Variants in HUNK observed in about 807,000 individuals in gnomAD.
HUNK encodes hormonally up-regulated Neu-associated kinase.
Under a neutral mutation model 61.0 loss-of-function variants are expected in HUNK, and 21 were observed. The ratio of observed to expected loss-of-function variants is 0.34; its 90% CI spans 0.24 to 0.50. The LOEUF is 0.50. Ranked by LOEUF, HUNK falls within the 20% of genes least tolerant of loss-of-function variation. The pLI, the probability that HUNK is intolerant of heterozygous loss-of-function variation, is 0.98. For synonymous variants in HUNK, 371 were observed against 386.1 expected (o/e 0.96, Z 0.46); for missense variants, 772 against 945.7 (o/e 0.82, Z 2.41).
chr21:31,931,332 A>C (rs1013303593), intron 2 of HUNK, among the ~76,000 whole-genome samples: 9 of 151,492 alleles, frequency 5.9e-5, no homozygotes, highest in African/African-American at 2.2e-4. Context: ...CAAATTAATC[A>C]CCTCTTTTAA....
intron 10 of HUNK, among the ~76,000 whole-genome samples, chr21:31,996,593 C>T (rs1307126361): frequency 1.3e-5 from 2 of 152,198 alleles, no homozygotes; most frequent in Non-Finnish European, 2.9e-5. Context: ...ACAGGCTTAA[C>T]ACATGGTAGA....
intron 7 of HUNK, among the ~76,000 whole-genome samples, chr21:31,982,866 C>T (rs13049873): frequency 0.11 from 17,013 of 152,104 alleles, 1,320 homozygotes; most frequent in Non-Finnish European, 0.18. Context: ...TGCAATGGCA[C>T]GATCTTGGCT....
chr21:31,923,800 G>A (rs1310554276), intron 1 of HUNK, among the ~76,000 whole-genome samples: 1 of 152,172 alleles, frequency 6.6e-6, no homozygotes, highest in Non-Finnish European at 1.5e-5. Context: ...GGAGCTTCCT[G>A]AGGGTAGTAG....
chr21:31,918,158 G>A (rs949919524), intron 1 of HUNK, among the ~76,000 whole-genome samples: 3 of 152,048 alleles, frequency 2.0e-5, no homozygotes, highest in Non-Finnish European at 2.9e-5. Context: ...AGATGAAGTC[G>A]ATTAAATGGT....
intron 1 of HUNK, among the ~76,000 whole-genome samples, chr21:31,902,477 T>A (rs1007430038): frequency 6.6e-6 from 1 of 152,026 alleles, no homozygotes. Context: ...GCCATTGCAC[T>A]CCAGCCTGGG....
intron 9 of HUNK, among the ~76,000 whole-genome samples, chr21:31,991,087 G>A (rs1328041010): frequency 2.6e-5 from 4 of 152,176 alleles, no homozygotes; most frequent in Admixed American, 1.3e-4. Flanking sequence ...CTTGCTATGC[G>A]GAATTGGCTG....
chr21:31,889,617 A>G (rs932899181), intron 1 of HUNK, among the ~76,000 whole-genome samples: 3 of 152,202 alleles, frequency 2.0e-5, no homozygotes, highest in Non-Finnish European at 4.4e-5. Flanking sequence ...TGTCATTCCC[A>G]TAGGGTGACA....
Position 31,924,315 on chromosome 21 carries a change from G to GTA in HUNK, c.262-143_262-142dup, listed in dbSNP as rs1378853734. Among the ~76,000 whole-genome samples, 5 of 151,478 alleles carry GTA rather than the reference G, an allele frequency of 3.3e-5. No individual in the cohort carries two copies. Among genetic ancestry groups the GTA allele is most frequent in the Middle Eastern group, 3.2e-3 (1 of 316 alleles). On this transcript the variant is annotated intron_variant, in intron 1 of 10. Transcript: ENST00000270112. This position sits in a 1 kb window ranked among gnomAD's most constrained non-coding sequence, Gnocchi z 5.1. Reference sequence around the variant, plus strand: ...GTGGTATATGCATAAATATAAATGTGTATATATATATTTTCTGTTGATGCT... The same window carrying GTA: ...GTGGTATATGCATAAATATAAATGTGTATATATATATATTTTCTGTTGATGCT...
chr21:31,918,974 G>A (rs1047510812), intron 1 of HUNK, among the ~76,000 whole-genome samples: 3 of 149,568 alleles, frequency 2.0e-5, no homozygotes, highest in East Asian at 2.0e-4. Flanking sequence ...TGGACTGAGC[G>A]GTATGAGGAG....
intron 2 of HUNK, among the ~76,000 whole-genome samples, chr21:31,926,277 ATG>A (rs1289705217): frequency 6.6e-5 from 10 of 152,158 alleles, no homozygotes; most frequent in Non-Finnish European, 1.2e-4. Context: ...TGACATATTT[ATG>A]TGTGTGTATA....
At chr21:31,930,898 G>T (rs2052691772) in intron 2 of HUNK, among the ~76,000 whole-genome samples, 1 of 151,942 alleles carries the variant, frequency 6.6e-6, no homozygotes, top group Non-Finnish European at 1.5e-5. Context: ...AACAGAATTT[G>T]TTTCTGGAAC....
At chr21:31,926,630 A>G (rs1267566644) in intron 2 of HUNK, among the ~76,000 whole-genome samples, 3 of 152,156 alleles carry the variant, frequency 2.0e-5, no homozygotes, top group East Asian at 1.9e-4. Context: ...TCTGTCATGT[A>G]GCATTATGTT....
At chr21:31,943,908 C>T (rs112238401) in intron 3 of HUNK, among the ~76,000 whole-genome samples, 5 of 152,200 alleles carry the variant, frequency 3.3e-5, no homozygotes, top group African/African-American at 1.2e-4. Flanking sequence ...TTCCAGGACT[C>T]TGATGAAATT....
At chr21:31,942,527 A>C (rs914397278) in intron 3 of HUNK, among the ~76,000 whole-genome samples, 20 of 152,200 alleles carry the variant, frequency 1.3e-4, no homozygotes, top group African/African-American at 4.6e-4. Context: ...GAGTAATAGA[A>C]CCTCTTAGAG....
chr21:31,976,797 G>T (rs1343815508), intron 7 of HUNK, among the ~76,000 whole-genome samples: 1 of 147,350 alleles, frequency 6.8e-6, no homozygotes, highest in Non-Finnish European at 1.5e-5. Context: ...TTGAGATGAG[G>T]TCTCACTCTG....
intron 2 of HUNK, among the ~76,000 whole-genome samples, chr21:31,929,832 G>A (rs779152861): frequency 1.3e-4 from 20 of 152,200 alleles, no homozygotes; most frequent in Non-Finnish European, 2.4e-4. Context: ...GGAAGGCAGT[G>A]GAAGAGAGGA....
At chr21:31,990,585 G>A (rs1217906211) in intron 9 of HUNK, among the ~76,000 whole-genome samples, 1 of 151,536 alleles carries the variant, frequency 6.6e-6, no homozygotes. Context: ...GCCCAGGCTG[G>A]AGTGCAATGT....
intron 6 of HUNK, 50 bp from the exon 7 acceptor site, chr21:31,974,504 GC>G: frequency 1.3e-6 from 2 of 1,546,144 alleles, no homozygotes; most frequent in Non-Finnish European, 1.8e-6. Flanking sequence ...TCTGTGTGGG[GC>G]TCTCCGTGAA....
intron 1 of HUNK, among the ~76,000 whole-genome samples, chr21:31,876,649 G>T (rs573295979): frequency 1.4e-4 from 22 of 152,282 alleles, no homozygotes; most frequent in Non-Finnish European, 2.9e-4. Context: ...CCTGGGGAAA[G>T]TTTCCTCCAG....
Sources: gnomAD v4.1 joint callset for allele counts (sites outside exome capture counted in the v4.1 genomes callset) on GRCh38, gnomAD v4.1.1 for gene constraint, Gnocchi (gnomAD v3.1) non-coding constraint, MANE v1.5 for transcripts, NCBI Gene and HGNC (gene_info 2026-07-23, HGNC 2026-07-21) for gene names.